Variants in MACROD1 observed in about 807,000 individuals in gnomAD.
The protein encoded by MACROD1 is mono-ADP ribosylhydrolase 1.
A neutral mutation model predicts 41.4 loss-of-function variants in MACROD1; 31 were observed. The ratio of observed to expected loss-of-function variants is 0.75; its 90% CI spans 0.56 to 1.01. MACROD1 has a LOEUF of 1.01. Among genes scored for constraint, MACROD1 ranks in the 50% least tolerant of loss-of-function variants. MACROD1 has a pLI of 0.00. For missense variants in MACROD1, 473 were observed against 460.0 expected, an observed-to-expected ratio of 1.03 and a Z score of -0.26; for synonymous variants, 252 against 203.4, an observed-to-expected ratio of 1.24 and a Z score of -2.03.
intron 3 of MACROD1, among the ~76,000 whole-genome samples, chr11:64,092,850 C>T (rs1349915184): frequency 6.6e-6 from 1 of 152,230 alleles, no homozygotes; most frequent in Non-Finnish European, 1.5e-5. Flanking sequence ...ACACGTGTCA[C>T]CAAAGACAAA....
chr11:64,042,355 T>C (rs1943503844), intron 3 of MACROD1, among the ~76,000 whole-genome samples: 1 of 152,118 alleles, frequency 6.6e-6, no homozygotes, highest in Non-Finnish European at 1.5e-5. Flanking sequence ...TCCCCTGCCC[T>C]TCCTGCCCCC....
intron 3 of MACROD1, among the ~76,000 whole-genome samples, chr11:64,125,766 G>A (rs1009712695): frequency 6.6e-6 from 1 of 152,220 alleles, no homozygotes; most frequent in Non-Finnish European, 1.5e-5. Context: ...TTGAGTGGAT[G>A]ACAAGGGGGA....
chr11:64,076,710 C>T (rs1185584701), intron 3 of MACROD1, among the ~76,000 whole-genome samples: 2 of 152,202 alleles, frequency 1.3e-5, no homozygotes, highest in Non-Finnish European at 2.9e-5. Context: ...TCCATGTTTT[C>T]AGGAGCCGGA....
At chr11:64,077,907 A>G (rs1055979468) in intron 3 of MACROD1, among the ~76,000 whole-genome samples, 1 of 152,020 alleles carries the variant, frequency 6.6e-6, no homozygotes, top group Non-Finnish European at 1.5e-5. Context: ...AGGCCCTTAG[A>G]CCCTCTGGGG....
At chr11:64,157,604 C>G (rs1403527227) in intron 1 of MACROD1, among the ~76,000 whole-genome samples, 1 of 152,112 alleles carries the variant, frequency 6.6e-6, no homozygotes, top group Admixed American at 6.6e-5. Context: ...GAGGCCTGAC[C>G]CCAGACGAAG....
At chr11:64,113,937 C>CGGATGGATGGAT (rs562555774) in intron 3 of MACROD1, among the ~76,000 whole-genome samples, 1 of 66,522 alleles carries the variant, frequency 1.5e-5, no homozygotes, top group Non-Finnish European at 3.0e-5. Flanking sequence ...GATTGATGCA[C>CGGATGGATGGAT]GGATGGATGG....
chr11:64,042,225 T>A (rs1053904448), intron 3 of MACROD1, among the ~76,000 whole-genome samples: 1 of 152,154 alleles, frequency 6.6e-6, no homozygotes, highest in Non-Finnish European at 1.5e-5. Flanking sequence ...CTTCCTCTCC[T>A]GTCTTCCCTG....
intron 3 of MACROD1, chr11:64,117,246 A>G: frequency 1.2e-6 from 2 of 1,614,182 alleles, no homozygotes; most frequent in Non-Finnish European, 1.7e-6. Flanking sequence ...GCTGCTCAGG[A>G]ACAACCCTTG....
At chr11:64,016,397 C>T (rs1247902520) in intron 3 of MACROD1, among the ~76,000 whole-genome samples, 1 of 152,264 alleles carries the variant, frequency 6.6e-6, no homozygotes, top group Middle Eastern at 3.2e-3. Flanking sequence ...CTGCGCCCGC[C>T]CCTCTGCCGA....
chr11:64,031,518 C>A (rs1943295644), intron 3 of MACROD1, among the ~76,000 whole-genome samples: 1 of 135,694 alleles, frequency 7.4e-6, no homozygotes, highest in African/African-American at 2.8e-5. Context: ...CACTCTGTCG[C>A]CCAGGCTGGA....
Position 64,165,707 on chromosome 11 carries a change from C to T in MACROD1, c.288G>A (p.Lys96=). 5.5e-6 allele frequency: 8 copies of T among 1,463,184 alleles called. No individual in the cohort carries two copies. The highest frequency in any genetic ancestry group is 1.5e-5 in the African/African-American group (1 of 68,368). The allele number at this position is 1,463,184 out of a possible 1,614,324, so 90.6% of individuals were successfully genotyped here. A position where few individuals can be genotyped will look rare whatever the true frequency, so the allele number is the denominator to read the frequency against. ...CGTGCTTACACTTACATTTCGCCTC[C>T]TTCCAGTCGGTGGAGGTGCTCAGGT... ...KVDLSTSTDW[K]EAKSFLKGLS... is the part of the protein sequence containing the mutation. Residue 96 remains lysine (K), a synonymous_variant, in exon 1 of 11, where the codon AAG becomes AAA. Transcript: ENST00000255681.
In MACROD1 at chr11:64,071,664, C is replaced by T. The variant is rs556422136; in HGVS notation, c.518-56383G>A. ...GTTTCCCCATTTGTGAAGTGGGAAC[C>T]ACAGAGCCCCCCAGCTTGGTGGTTA... On this transcript the variant is annotated intron_variant, in intron 3 of 10. Coordinates refer to ENST00000255681, the MANE Select transcript of MACROD1 (RefSeq NM_014067.4). Among the ~76,000 whole-genome samples the T allele has an allele frequency of 3.3e-5, 5 of 152,314 alleles. No homozygotes were observed. The East Asian group carries it at 7.7e-4, about 24-fold the overall frequency.
In MACROD1 at chr11:64,149,069, A is replaced by C. The variant is rs1010762455; in HGVS notation, c.517+2170T>G. 27 of 973,106 alleles carry C rather than the reference A, an allele frequency of 2.8e-5. No homozygotes were observed. In the African/African-American group the frequency reaches 3.2e-4, roughly 11 times the overall value. The allele number at this position is 973,106 out of a possible 1,614,324, so 60.3% of individuals were successfully genotyped here. ...AAAGATCCCAGGAGAACACACCAAG[A>C]GGTGTATGGGTAAACTGAGGCAAGC... is the stretch of plus-strand genomic sequence containing the variant. On this transcript the variant is annotated intron_variant, in intron 3 of 10. Coordinates refer to ENST00000255681, the MANE Select transcript of MACROD1 (RefSeq NM_014067.4).
chr11:64,018,571 T>C (rs906217694), intron 3 of MACROD1, among the ~76,000 whole-genome samples: 1 of 152,252 alleles, frequency 6.6e-6, no homozygotes, highest in African/African-American at 2.4e-5. Context: ...CTCTCAGGTC[T>C]CCCTGCTCCT....
chr11:64,063,649 C>T (rs912016194), intron 3 of MACROD1, among the ~76,000 whole-genome samples: 4 of 152,142 alleles, frequency 2.6e-5, no homozygotes, highest in Non-Finnish European at 5.9e-5. Context: ...GTTTGTGTGA[C>T]GTGGGAGTGT....
At chr11:64,111,006 C>G (rs1197045230) in intron 3 of MACROD1, among the ~76,000 whole-genome samples, 1 of 152,216 alleles carries the variant, frequency 6.6e-6, no homozygotes, top group Non-Finnish European at 1.5e-5. Context: ...GGCCCACAGA[C>G]AGTGGAGCGG....
intron 3 of MACROD1, chr11:64,116,479 G>A: frequency 6.2e-7 from 1 of 1,613,894 alleles, no homozygotes; most frequent in Non-Finnish European, 8.5e-7. Flanking sequence ...AACGACCGGG[G>A]ACTCACATCC....
chr11:64,060,463 CG>C (rs1456130469), intron 3 of MACROD1: 1 of 152,204 alleles, frequency 6.6e-6, no homozygotes, highest in African/African-American at 2.4e-5. Context: ...GGGCCCCTGT[CG>C]GGGCTGCCCG....
intron 3 of MACROD1, among the ~76,000 whole-genome samples, chr11:64,121,173 C>T (rs963848012): frequency 2.6e-5 from 4 of 152,168 alleles, no homozygotes; most frequent in African/African-American, 9.7e-5. Context: ...CTTTCCTCCC[C>T]TCCCATTGCA....
Sources: allele counts gnomAD v4.1 joint callset (sites outside exome capture counted in the v4.1 genomes callset), GRCh38; gene constraint gnomAD v4.1.1; transcripts MANE v1.5; gene names NCBI Gene and HGNC (gene_info 2026-07-23, HGNC 2026-07-21).